The following HPSE2 variants were observed in gnomAD, a reference collection of about 807,000 sequenced individuals.
HPSE2 encodes the protein heparanase 2 (inactive).
Under a neutral mutation model 60.5 loss-of-function variants are expected in HPSE2, and 38 were observed. That is an observed-to-expected ratio of 0.63 (90% CI 0.48 to 0.82). The LOEUF is 0.82. Ranked by LOEUF, HPSE2 falls within the 40% of genes least tolerant of loss-of-function variation. The pLI, the probability that HPSE2 is intolerant of heterozygous loss-of-function variation, is 0.00. For synonymous variants in HPSE2, 295 were observed against 293.2 expected, an observed-to-expected ratio of 1.01 and a Z score of -0.06; for missense variants, 713 against 740.4, an observed-to-expected ratio of 0.96 and a Z score of 0.43.
At chr10:98,498,327 C>A (rs1941919489) in intron 9 of HPSE2, among the ~76,000 whole-genome samples, 1 of 152,186 alleles carries the variant, frequency 6.6e-6, no homozygotes, top group Non-Finnish European at 1.5e-5. Context: ...CAGGACTCTG[C>A]AGACAACCCC....
At chr10:99,136,925 C>G (rs1009663949) in intron 3 of HPSE2, among the ~76,000 whole-genome samples, 3 of 152,136 alleles carry the variant, frequency 2.0e-5, no homozygotes, top group Non-Finnish European at 4.4e-5. Context: ...AAAGCGTATT[C>G]AAATAGGAAG....
the HPSE2 span, among the ~76,000 whole-genome samples, chr10:99,286,704 C>T: frequency 1.3e-5 from 2 of 151,762 alleles, no homozygotes; most frequent in African/African-American, 4.8e-5. Flanking sequence ...TATTTCATCA[C>T]AATAAAAAAG....
At chr10:98,969,675 C>T (rs1337485840) in intron 3 of HPSE2, among the ~76,000 whole-genome samples, 1 of 152,208 alleles carries the variant, frequency 6.6e-6, no homozygotes, top group Non-Finnish European at 1.5e-5. Context: ...CTCCTATTCC[C>T]TTTCATTTGT....
At chr10:98,798,597 A>T (rs927495005) in intron 3 of HPSE2, among the ~76,000 whole-genome samples, 1 of 152,162 alleles carries the variant, frequency 6.6e-6, no homozygotes, top group Non-Finnish European at 1.5e-5. Flanking sequence ...AAGTTAAAGT[A>T]TAGAGTTTTA....
chr10:99,029,043 G>A (rs1452811426), intron 3 of HPSE2, among the ~76,000 whole-genome samples: 1 of 152,180 alleles, frequency 6.6e-6, no homozygotes, highest in Non-Finnish European at 1.5e-5. Flanking sequence ...AGAAAAGATA[G>A]GGGAAAATCT....
chr10:99,089,426 G>A (rs936833829), intron 3 of HPSE2, among the ~76,000 whole-genome samples: 1 of 152,142 alleles, frequency 6.6e-6, no homozygotes, highest in African/African-American at 2.4e-5. Flanking sequence ...TTGTTGAACA[G>A]GGTGTCCTAT....
intron 3 of HPSE2, among the ~76,000 whole-genome samples, chr10:98,956,265 A>C (rs951938054): frequency 2.0e-5 from 3 of 152,174 alleles, no homozygotes; most frequent in Admixed American, 6.6e-5. Context: ...AAAAAAAAGA[A>C]AATAATGAGA....
At chr10:99,153,899 G>A (rs1846400867) in intron 2 of HPSE2, among the ~76,000 whole-genome samples, 1 of 151,480 alleles carries the variant, frequency 6.6e-6, no homozygotes, top group Non-Finnish European at 1.5e-5. Flanking sequence ...ATACAGAGAA[G>A]TGCTTAAAGG....
rs74359767 is a variant in HPSE2 at position 98,574,695 on chromosome 10, A to G, written c.1320+40209T>C. Among the ~76,000 whole-genome samples, 3 of 6,014 alleles carry G rather than the reference A, an allele frequency of 5.0e-4. No homozygotes were observed. The Non-Finnish European group carries it at 5.8e-3, about 12-fold the overall frequency. 3.9% of individuals were successfully genotyped at this position (6,014 alleles called of 152,430 possible). On this transcript the variant is annotated intron_variant, in intron 9 of 11. Coordinates refer to ENST00000370552, the MANE Select transcript of HPSE2 (RefSeq NM_021828.5). Reference sequence around the variant, plus strand: ...ATTCCCTTTGTGCATTGGCATCGAGAAGAAGGTCTACTTCAACCACAGGAC... The same window carrying G: ...ATTCCCTTTGTGCATTGGCATCGAGGAGAAGGTCTACTTCAACCACAGGAC...
At chr10:98,991,761 A>C (rs1410314153) in intron 3 of HPSE2, among the ~76,000 whole-genome samples, 3 of 151,014 alleles carry the variant, frequency 2.0e-5, no homozygotes, top group African/African-American at 7.3e-5. Flanking sequence ...CGTGGTGGAC[A>C]AAAAAAAACA....
At chr10:98,512,487 A>C (rs1942443363) in intron 9 of HPSE2, among the ~76,000 whole-genome samples, 1 of 151,842 alleles carries the variant, frequency 6.6e-6, no homozygotes, top group South Asian at 2.1e-4. Context: ...CGGGAGGCTG[A>C]GGTGGGAGAA....
intron 3 of HPSE2, among the ~76,000 whole-genome samples, chr10:99,002,248 TATCTC>T (rs1268776233): frequency 1.3e-5 from 2 of 152,048 alleles, no homozygotes; most frequent in African/African-American, 2.4e-5. Context: ...AAAAGACAAA[TATCTC>T]ATGCAGAATA....
At chr10:99,036,141 G>A (rs371691579) in intron 3 of HPSE2, among the ~76,000 whole-genome samples, 1 of 152,132 alleles carries the variant, frequency 6.6e-6, no homozygotes, top group East Asian at 1.9e-4. Flanking sequence ...CTTGGGCCTA[G>A]GAGTTGGAGG....
chr10:99,242,657 T>C, the HPSE2 span, among the ~76,000 whole-genome samples: 3 of 152,210 alleles, frequency 2.0e-5, no homozygotes, highest in African/African-American at 7.2e-5. Flanking sequence ...CTGAAAAGCA[T>C]CATATTATAT....
At chr10:98,913,286 C>T (rs1188605130) in intron 3 of HPSE2, among the ~76,000 whole-genome samples, 2 of 152,198 alleles carry the variant, frequency 1.3e-5, no homozygotes, top group Admixed American at 6.5e-5. Flanking sequence ...AAAGAAGTCC[C>T]GCAACCAAAC....
At chr10:99,172,507 G>T (rs926422405) in intron 2 of HPSE2, among the ~76,000 whole-genome samples, 1 of 152,174 alleles carries the variant, frequency 6.6e-6, no homozygotes, top group Non-Finnish European at 1.5e-5. Flanking sequence ...GGAATATAAA[G>T]ATGAATAAAT....
chr10:99,033,572 G>C (rs1957544891), intron 3 of HPSE2, among the ~76,000 whole-genome samples: 1 of 152,090 alleles, frequency 6.6e-6, no homozygotes, highest in Admixed American at 6.6e-5. Flanking sequence ...CACAAGGTCA[G>C]GAGATCGAGA....
At chr10:98,703,916 A>T (rs1948477764) in intron 5 of HPSE2, among the ~76,000 whole-genome samples, 1 of 152,146 alleles carries the variant, frequency 6.6e-6, no homozygotes, top group Non-Finnish European at 1.5e-5. Context: ...AATTCTGGAC[A>T]GACAATCAGA....
chr10:98,933,923 G>A (rs11527896), intron 3 of HPSE2, among the ~76,000 whole-genome samples: 22,157 of 141,406 alleles, frequency 0.16, 4,190 homozygotes, highest in African/African-American at 0.26. Context: ...TAGTAGAGAC[G>A]GAGTTTCACT....
Sources: gnomAD v4.1 joint callset for allele counts (sites outside exome capture counted in the v4.1 genomes callset) on GRCh38, gnomAD v4.1.1 for gene constraint, MANE v1.5 for transcripts, NCBI Gene and HGNC (gene_info 2026-07-23, HGNC 2026-07-21) for gene names.